Variants in KCNIP4 observed in about 807,000 individuals in gnomAD.
KCNIP4 encodes the protein Kv channel-interacting protein 4.
A neutral mutation model predicts 34.0 loss-of-function variants in KCNIP4; 12 were observed. The observed-to-expected ratio is 0.35, with a 90% confidence interval of 0.23 to 0.57. The LOEUF is 0.57. KCNIP4 is among the 20% of genes least tolerant of loss of function. The probability of loss-of-function intolerance (pLI) is 0.83; values close to 1 mark genes in which losing one functional copy is unlikely to be tolerated. For missense variants in KCNIP4, 238 were observed against 311.7 expected (o/e 0.76, Z 1.78); for synonymous variants, 124 against 102.2 (o/e 1.21, Z -1.29).
intron 2 of KCNIP4, among the ~76,000 whole-genome samples, chr4:20,880,221 C>T (rs1300968959): frequency 1.3e-5 from 2 of 152,034 alleles, no homozygotes; most frequent in East Asian, 1.9e-4. Context: ...GTGTGTGTGG[C>T]GTGCACGTGT....
intron 5 of KCNIP4, among the ~76,000 whole-genome samples, chr4:20,734,942 C>A (rs1341747203): frequency 6.6e-6 from 1 of 152,096 alleles, no homozygotes; most frequent in Non-Finnish European, 1.5e-5. Context: ...TAATTGGAAA[C>A]TGAGTTAAAT....
At chr4:21,704,998 T>C (rs1474229441) in intron 1 of KCNIP4, among the ~76,000 whole-genome samples, 1 of 152,156 alleles carries the variant, frequency 6.6e-6, no homozygotes, top group Non-Finnish European at 1.5e-5. Context: ...GTTAATGAAA[T>C]TGTATATGTC....
intron 1 of KCNIP4, among the ~76,000 whole-genome samples, chr4:20,944,635 G>C (rs1732006213): frequency 6.6e-6 from 1 of 152,222 alleles, no homozygotes; most frequent in Non-Finnish European, 1.5e-5. Context: ...AAGAAGGTTT[G>C]CGGGTTTGCC....
chr4:21,084,279 G>A (rs16870342), intron 1 of KCNIP4, among the ~76,000 whole-genome samples: 14,977 of 150,162 alleles, frequency 0.1, 1,041 homozygotes, highest in African/African-American at 0.18. Flanking sequence ...AATGATGGAC[G>A]TGGACTGCTC....
intron 1 of KCNIP4, among the ~76,000 whole-genome samples, chr4:21,503,124 C>T (rs1334019492): frequency 6.6e-6 from 1 of 152,104 alleles, no homozygotes; most frequent in Non-Finnish European, 1.5e-5. Flanking sequence ...TTCTATACTT[C>T]ATTTTTATAA....
chr4:21,196,307 C>T (rs1477612724), intron 1 of KCNIP4, among the ~76,000 whole-genome samples: 1 of 152,134 alleles, frequency 6.6e-6, no homozygotes, highest in African/African-American at 2.4e-5. Flanking sequence ...TTAATTAAGT[C>T]ATTCTATCTA....
intron 3 of KCNIP4, among the ~76,000 whole-genome samples, chr4:20,802,905 C>G (rs1371371644): frequency 6.6e-6 from 1 of 151,868 alleles, no homozygotes; most frequent in Non-Finnish European, 1.5e-5. Flanking sequence ...GAAACCCCGT[C>G]TCTACTAAAA....
At chr4:21,461,230 C>T (rs1299718983) in intron 1 of KCNIP4, among the ~76,000 whole-genome samples, 4 of 152,022 alleles carry the variant, frequency 2.6e-5, no homozygotes, top group African/African-American at 9.7e-5. Flanking sequence ...TCTCTCTCCA[C>T]TGCTCCACCA....
chr4:20,828,829 G>A (rs73802350), intron 3 of KCNIP4, among the ~76,000 whole-genome samples: 1,850 of 152,282 alleles, frequency 0.012, 49 homozygotes, highest in African/African-American at 0.042. Context: ...CTGGATGCAA[G>A]GACTAAAGAA....
At chr4:21,709,301 G>A (rs1294834612) in intron 1 of KCNIP4, among the ~76,000 whole-genome samples, 1 of 152,226 alleles carries the variant, frequency 6.6e-6, no homozygotes, top group Non-Finnish European at 1.5e-5. Flanking sequence ...ACCAGGTAGA[G>A]GTTGAGAGCT....
chr4:21,592,939 C>T (rs1005189206), intron 1 of KCNIP4, among the ~76,000 whole-genome samples: 1 of 151,962 alleles, frequency 6.6e-6, no homozygotes, highest in Non-Finnish European at 1.5e-5. Flanking sequence ...TGTATGAGGC[C>T]TCCACTAAAA....
At chr4:21,488,518 G>T (rs1732106401) in intron 1 of KCNIP4, among the ~76,000 whole-genome samples, 1 of 151,904 alleles carries the variant, frequency 6.6e-6, no homozygotes, top group Non-Finnish European at 1.5e-5. Context: ...CAAAATTAAA[G>T]AATATGCATA....
chr4:21,721,380 C>G (rs1450729), intron 1 of KCNIP4, among the ~76,000 whole-genome samples: 50,304 of 151,782 alleles, frequency 0.33, 9,275 homozygotes, highest in East Asian at 0.67. Flanking sequence ...TTCTATAATT[C>G]CTATAGTGAA....
At chr4:21,272,322 T>C (rs1007001491) in intron 1 of KCNIP4, among the ~76,000 whole-genome samples, 1 of 152,200 alleles carries the variant, frequency 6.6e-6, no homozygotes, top group Non-Finnish European at 1.5e-5. Context: ...TGGCTATTAT[T>C]ATTTATTCAT....
At chr4:21,334,333 T>C (rs1399286048) in intron 1 of KCNIP4, among the ~76,000 whole-genome samples, 2 of 152,010 alleles carry the variant, frequency 1.3e-5, no homozygotes, top group African/African-American at 2.4e-5. Flanking sequence ...AAAAAAATAA[T>C]GTTAACTTTG....
chr4:20,751,145 A>C (rs945540074), intron 4 of KCNIP4, among the ~76,000 whole-genome samples: 36 of 152,220 alleles, frequency 2.4e-4, no homozygotes, highest in African/African-American at 7.7e-4. Flanking sequence ...TGACAGTGGC[A>C]TCTTCGCTCA....
At chr4:21,380,150 T>G (rs1030940369) in intron 1 of KCNIP4, among the ~76,000 whole-genome samples, 2 of 152,118 alleles carry the variant, frequency 1.3e-5, no homozygotes, top group Non-Finnish European at 2.9e-5. Flanking sequence ...AAAGGCAGAA[T>G]GTACATTGTA....
intron 1 of KCNIP4, among the ~76,000 whole-genome samples, chr4:20,893,588 ATT>A (rs35952261): frequency 2.7e-4 from 37 of 136,762 alleles, no homozygotes; most frequent in Admixed American, 3.7e-4. Context: ...ATGCCCCAGT[ATT>A]TTTTTTTTTT....
intron 3 of KCNIP4, among the ~76,000 whole-genome samples, chr4:20,770,151 T>A (rs886604272): frequency 5.9e-5 from 9 of 152,316 alleles, no homozygotes; most frequent in African/African-American, 2.2e-4. Context: ...GCAGTTTTTG[T>A]TTAACAACAG....
Sources: allele counts gnomAD v4.1 joint callset (sites outside exome capture counted in the v4.1 genomes callset), GRCh38; gene constraint gnomAD v4.1.1; transcripts MANE v1.5; gene names NCBI Gene and HGNC (gene_info 2026-07-23, HGNC 2026-07-21).